The following RPSA2 variants were observed in gnomAD, a reference collection of about 807,000 sequenced individuals.
The protein encoded by RPSA2 is ribosomal protein SA 2, also known as small ribosomal subunit protein uS2B.
At chr19:23,846,569 C>A in the RPSA2 span, among the ~76,000 whole-genome samples, 1 of 152,134 alleles carries the variant, frequency 6.6e-6, no homozygotes, top group Non-Finnish European at 1.5e-5. Context: ...TAGTTAGTTT[C>A]CCCAGCCTTT....
the RPSA2 span, among the ~76,000 whole-genome samples, chr19:23,844,896 C>T: frequency 2.1e-4 from 31 of 150,270 alleles, no homozygotes. Flanking sequence ...TAGTTCTGAG[C>T]TTTTCTTTTT....
chr19:23,776,541 T>C, the RPSA2 span, among the ~76,000 whole-genome samples: 3 of 152,206 alleles, frequency 2.0e-5, no homozygotes, highest in Non-Finnish European at 4.4e-5. Context: ...GTAACTCTCT[T>C]GTTTGGGTTC....
At chr19:23,808,464 A>G in the RPSA2 span, among the ~76,000 whole-genome samples, 1 of 151,920 alleles carries the variant, frequency 6.6e-6, no homozygotes, top group Non-Finnish European at 1.5e-5. Context: ...ACAGGGTTTC[A>G]CCATCTTGGG....
At chr19:23,761,522 GT>G in the RPSA2 span, among the ~76,000 whole-genome samples, 2 of 152,134 alleles carry the variant, frequency 1.3e-5, no homozygotes, top group Non-Finnish European at 2.9e-5. Flanking sequence ...AAATTCTAAG[GT>G]TGTGTCCTCT....
the RPSA2 span, among the ~76,000 whole-genome samples, chr19:23,797,013 C>CT: frequency 1.3e-5 from 2 of 148,486 alleles, no homozygotes; most frequent in Non-Finnish European, 3.0e-5. Flanking sequence ...ATCTTTCAAA[C>CT]TTTTTTAGCA....
At chr19:23,816,511 C>T in the RPSA2 span, among the ~76,000 whole-genome samples, 3,338 of 152,036 alleles carry the variant, frequency 0.022, 129 homozygotes, top group African/African-American at 0.076. Flanking sequence ...CTGAGTGGTA[C>T]GTTTTTTCTT....
chr19:23,833,194 A>G, the RPSA2 span: 1 of 1,187,936 alleles, frequency 8.4e-7, no homozygotes, highest in South Asian at 1.9e-5. Context: ...AACTAAACAT[A>G]AGAAAATTTA....
At chr19:23,859,871 C>T in the RPSA2 span, among the ~76,000 whole-genome samples, 1 of 152,032 alleles carries the variant, frequency 6.6e-6, no homozygotes, top group Non-Finnish European at 1.5e-5. Flanking sequence ...TTAGTAAAAC[C>T]CTGTTAGGGA....
chr19:23,852,990 A>C, the RPSA2 span, among the ~76,000 whole-genome samples: 2 of 152,164 alleles, frequency 1.3e-5, no homozygotes, highest in Non-Finnish European at 2.9e-5. Flanking sequence ...ATTCTTTGTC[A>C]GTGGGGTCAG....
the RPSA2 span, among the ~76,000 whole-genome samples, chr19:23,804,257 G>T: frequency 6.6e-6 from 1 of 151,580 alleles, no homozygotes; most frequent in Non-Finnish European, 1.5e-5. Context: ...TGACAAGACT[G>T]CTGAATATAA....
At chr19:23,761,906 T>TCTCTCTCTC in the RPSA2 span, among the ~76,000 whole-genome samples, 23 of 92,124 alleles carry the variant, frequency 2.5e-4, no homozygotes, top group East Asian at 9.3e-4. Context: ...ACGTAATTCT[T>TCTCTCTCTC]TCTTTCTTTC....
chr19:23,867,829 CAA>C, the RPSA2 span, among the ~76,000 whole-genome samples: 44,901 of 121,666 alleles, frequency 0.37, 7,276 homozygotes, highest in Non-Finnish European at 0.42. Context: ...GACTCCGTCT[CAA>C]AAAAAAAAAA....
the RPSA2 span, among the ~76,000 whole-genome samples, chr19:23,802,333 A>G: frequency 6.6e-6 from 1 of 152,216 alleles, no homozygotes; most frequent in Non-Finnish European, 1.5e-5. Context: ...GTTATTGTCC[A>G]AAAGCTAGCT....
chr19:23,790,756 C>G, the RPSA2 span: 1 of 472,414 alleles, frequency 2.1e-6, no homozygotes, highest in Non-Finnish European at 4.0e-6. Context: ...CGCCAGGACC[C>G]GCTGAAAGCC....
the RPSA2 span, among the ~76,000 whole-genome samples, chr19:23,865,772 G>C: frequency 6.6e-6 from 1 of 152,108 alleles, no homozygotes; most frequent in African/African-American, 2.4e-5. Context: ...TTACCATAAG[G>C]CTTGATCTGA....
chr19:23,866,513 G>GT, the RPSA2 span, among the ~76,000 whole-genome samples: 438 of 142,390 alleles, frequency 3.1e-3, 7 homozygotes, highest in Middle Eastern at 7.2e-3. Context: ...ACAATGTGGT[G>GT]CCCCCCCCCG....
the RPSA2 span, among the ~76,000 whole-genome samples, chr19:23,797,957 A>C: frequency 1.3e-5 from 2 of 152,206 alleles, no homozygotes; most frequent in South Asian, 4.1e-4. Context: ...TATCTTACTA[A>C]AATCTCTTTT....
the RPSA2 span, among the ~76,000 whole-genome samples, chr19:23,821,199 T>C: frequency 3.3e-5 from 5 of 152,358 alleles, no homozygotes; most frequent in African/African-American, 1.2e-4. Flanking sequence ...GGTTAGTTGC[T>C]GTCCTAGAGT....
At chr19:23,788,032 G>C in the RPSA2 span, among the ~76,000 whole-genome samples, 1 of 152,198 alleles carries the variant, frequency 6.6e-6, no homozygotes, top group African/African-American at 2.4e-5. Flanking sequence ...CCACAGGGTT[G>C]TGATATTCCT....
Sources: gnomAD v4.1 joint callset for allele counts (sites outside exome capture counted in the v4.1 genomes callset) on GRCh38, gnomAD v4.1.1 for gene constraint, MANE v1.5 for transcripts, NCBI Gene and HGNC (gene_info 2026-07-23, HGNC 2026-07-21) for gene names.